The following ADAMTS18 variants were observed in gnomAD, a reference collection of about 807,000 sequenced individuals.
ADAMTS18 encodes ADAM metallopeptidase with thrombospondin type 1 motif 18, also known as A disintegrin and metalloproteinase with thrombospondin motifs 18.
Under a neutral mutation model 165.9 loss-of-function variants are expected in ADAMTS18, and 157 were observed. The ratio of observed to expected loss-of-function variants is 0.95; its 90% confidence interval spans 0.83 to 1.08. ADAMTS18 has a LOEUF of 1.08. Ranked by LOEUF, ADAMTS18 falls within the 50% of genes least tolerant of loss-of-function variation. The probability of loss-of-function intolerance (pLI) is 0.00; values close to 1 mark genes in which losing one functional copy is unlikely to be tolerated. For synonymous variants in ADAMTS18, 782 were observed against 578.2 expected (o/e 1.35, Z -5.06); for missense variants, 2,040 against 1,534.0 (o/e 1.33, Z -5.51).
chr16:77,288,946 G>A (rs971204995), intron 22 of ADAMTS18, among the ~76,000 whole-genome samples: 6 of 152,108 alleles, frequency 3.9e-5, no homozygotes, highest in Non-Finnish European at 5.9e-5. Context: ...TTAGCCAGGC[G>A]TGGTGGTGCA....
chr16:77,291,586 G>C, intron 20 of ADAMTS18, 108 bp from the exon 21 acceptor site: 1 of 1,104,592 alleles, frequency 9.1e-7, no homozygotes, highest in South Asian at 1.2e-5. Context: ...TAGGAGGGAT[G>C]GGATTACACA....
intron 4 of ADAMTS18, among the ~76,000 whole-genome samples, 159 bp from the exon 5 acceptor site, chr16:77,364,540 C>A (rs116727492): frequency 6.9e-6 from 1 of 144,258 alleles, no homozygotes; most frequent in Admixed American, 7.2e-5. Flanking sequence ...AGGTGCCTTG[C>A]ATCTAGTATG....
intron 3 of ADAMTS18, among the ~76,000 whole-genome samples, chr16:77,375,535 G>C (rs2056937390): frequency 2.0e-5 from 3 of 152,180 alleles, no homozygotes; most frequent in Admixed American, 1.3e-4. Flanking sequence ...TCCTCTCCTG[G>C]TCCACGATGG....
Position 77,292,009 on chromosome 16 carries a change from A to C in ADAMTS18, c.3190-531T>G, listed in dbSNP as rs1481157614. 3.9e-5 allele frequency among the ~76,000 whole-genome samples: 6 copies of C among 152,278 alleles called. No individual in the cohort carries two copies. In the East Asian group the frequency reaches 1.2e-3, roughly 29 times the overall value. On this transcript the variant is annotated intron_variant, in intron 20 of 22. Coordinates refer to ENST00000282849, the MANE Select transcript of ADAMTS18 (RefSeq NM_199355.4). ...TGAGGGTCAAAAGTATCCTTTTAGG[A>C]AAAATATCCTTTTAGGCTGGGTGCA...
chr16:77,391,879 C>A (rs545789930), intron 3 of ADAMTS18, among the ~76,000 whole-genome samples: 2 of 152,280 alleles, frequency 1.3e-5, no homozygotes, highest in African/African-American at 4.8e-5. Flanking sequence ...CAAAGGGATC[C>A]ATCCACATCA....
intron 11 of ADAMTS18, among the ~76,000 whole-genome samples, chr16:77,337,187 T>C (rs542687284): frequency 2.0e-5 from 3 of 152,336 alleles, no homozygotes; most frequent in East Asian, 1.9e-4. Flanking sequence ...TATAACACTA[T>C]TGAGAAGTTT....
At chr16:77,295,156 G>A (rs1231275094) in intron 18 of ADAMTS18, 29 bp from the exon 19 acceptor site, 1 of 1,612,748 alleles carries the variant, frequency 6.2e-7, no homozygotes, top group Non-Finnish European at 8.5e-7. Context: ...CATTACCAAT[G>A]AAGCCAAACT....
intron 8 of ADAMTS18, among the ~76,000 whole-genome samples, chr16:77,356,902 G>T (rs1002781934): frequency 6.6e-6 from 1 of 151,338 alleles, no homozygotes; most frequent in Admixed American, 6.6e-5. Context: ...TACTTCAGGC[G>T]ATGTTAAAGT....
At chr16:77,334,683 A>G (rs1307428788) in intron 12 of ADAMTS18, among the ~76,000 whole-genome samples, 2 of 105,446 alleles carry the variant, frequency 1.9e-5, no homozygotes, top group African/African-American at 4.0e-5. Flanking sequence ...ATACTATAGT[A>G]TATATATATA....
chr16:77,337,973 G>A (rs893028268), intron 11 of ADAMTS18, among the ~76,000 whole-genome samples: 2 of 147,904 alleles, frequency 1.4e-5, no homozygotes, highest in African/African-American at 5.0e-5. Context: ...GTGCGATCTC[G>A]GCTCACTGCA....
At chr16:77,284,306 A>C (rs1371120611) in intron 22 of ADAMTS18, among the ~76,000 whole-genome samples, 2 of 151,880 alleles carry the variant, frequency 1.3e-5, no homozygotes, top group Non-Finnish European at 2.9e-5. Context: ...TTGTATTTTT[A>C]GTAGAGACGG....
chr16:77,371,780 T>A (rs2056879870), intron 3 of ADAMTS18, among the ~76,000 whole-genome samples: 1 of 152,036 alleles, frequency 6.6e-6, no homozygotes, highest in Non-Finnish European at 1.5e-5. Context: ...TGGAAGTGTA[T>A]CAATCTAAAA....
At position 77,353,774 on chromosome 16, in the gene ADAMTS18, A is replaced by G. The variant is rs1369358717; in HGVS notation, c.1573T>C (p.Phe525Leu). The G allele has an allele frequency of 1.2e-6, 2 of 1,614,090 alleles. No homozygotes were observed. The highest frequency in any genetic ancestry group is 1.7e-6 in the Non-Finnish European group (2 of 1,180,018). Reference protein sequence around the residue: ...YDADTQCKWQFGAKAKLCSLG... With the variant: ...YDADTQCKWQLGAKAKLCSLG... ...CTGCATAACTTGGCTTTTGCTCCAA[A>G]TTGCCATTTACACTGTGTGTCAGCA... Residue 525 changes from phenylalanine (F) to leucine (L), a missense_variant, in exon 10 of 23, where the codon TTT (phenylalanine) becomes CTT (leucine). Coordinates refer to ENST00000282849, the MANE Select transcript of ADAMTS18 (RefSeq NM_199355.4).
At position 77,353,916 on chromosome 16, in the gene ADAMTS18, C is replaced by T. The variant is rs769996037; in HGVS notation, c.1461-30G>A. ...AATGACAATACATGCTTATTAATTA[C>T]TCTGTTGATCTGTGATCTTTCCATT... On this transcript the variant is annotated intron_variant, in intron 9 of 22. Coordinates refer to ENST00000282849, the MANE Select transcript of ADAMTS18 (RefSeq NM_199355.4). The T allele has an allele frequency of 2.7e-5, 44 of 1,613,640 alleles. No homozygotes were observed. The East Asian group carries it at 2.9e-4, about 11-fold the overall frequency.
chr16:77,394,577 C>G (rs1390894571), intron 3 of ADAMTS18, among the ~76,000 whole-genome samples: 1 of 152,012 alleles, frequency 6.6e-6, no homozygotes, highest in East Asian at 1.9e-4. Context: ...CCTTAATATA[C>G]AGAAAGAGGA....
chr16:77,336,448 T>A (rs2056312199), intron 11 of ADAMTS18, among the ~76,000 whole-genome samples: 1 of 152,228 alleles, frequency 6.6e-6, no homozygotes, highest in Non-Finnish European at 1.5e-5. Flanking sequence ...ATATTTTTGC[T>A]TATTCCAAAC....
chr16:77,369,792 A>G (rs555837603), intron 3 of ADAMTS18, among the ~76,000 whole-genome samples: 1 of 152,330 alleles, frequency 6.6e-6, no homozygotes, highest in Admixed American at 6.5e-5. Context: ...ACAAAAAGAA[A>G]TCTACGGGTC....
chr16:77,428,468 G>T (rs1244913562), intron 3 of ADAMTS18, among the ~76,000 whole-genome samples: 1 of 152,088 alleles, frequency 6.6e-6, no homozygotes, highest in East Asian at 1.9e-4. Context: ...CACCCATAAT[G>T]TGGTACTACT....
intron 3 of ADAMTS18, among the ~76,000 whole-genome samples, chr16:77,391,797 AG>A (rs1309830706): frequency 6.6e-6 from 1 of 152,190 alleles, no homozygotes; most frequent in African/African-American, 2.4e-5. Context: ...GGGTCAGGCA[AG>A]GGGACCCAGG....
Sources: allele counts gnomAD v4.1 joint callset (sites outside exome capture counted in the v4.1 genomes callset), GRCh38; gene constraint gnomAD v4.1.1; transcripts MANE v1.5; gene names NCBI Gene and HGNC (gene_info 2026-07-23, HGNC 2026-07-21).